Variants in C8orf34 observed in about 807,000 individuals in gnomAD.
C8orf34 encodes chromosome 8 open reading frame 34, also known as uncharacterized protein C8orf34.
In C8orf34, 65 loss-of-function variants were observed where a neutral mutation model predicts 68.3. The observed-to-expected ratio is 0.95, with a 90% CI of 0.78 to 1.17. C8orf34 has a LOEUF of 1.17. Among genes scored for constraint, C8orf34 ranks in the 50% most tolerant of loss-of-function variants. C8orf34 has a pLI of 0.00. For synonymous variants in C8orf34, 244 were observed against 241.2 expected, an observed-to-expected ratio of 1.01 and a Z score of -0.11; for missense variants, 664 against 655.4, an observed-to-expected ratio of 1.01 and a Z score of -0.14.
At chr8:68,614,382 G>A (rs2130583935) in intron 7 of C8orf34, among the ~76,000 whole-genome samples, 1 of 152,238 alleles carries the variant, frequency 6.6e-6, no homozygotes, top group South Asian at 2.1e-4. Context: ...TGTCCTGAAT[G>A]GTAATGCCTA....
chr8:68,622,318 C>A (rs1016045973), intron 7 of C8orf34, among the ~76,000 whole-genome samples: 1 of 152,176 alleles, frequency 6.6e-6, no homozygotes, highest in Non-Finnish European at 1.5e-5. Flanking sequence ...TCACTACATC[C>A]AGATGACTTT....
chr8:68,465,919 T>A (rs980127930), intron 3 of C8orf34, among the ~76,000 whole-genome samples: 2 of 151,538 alleles, frequency 1.3e-5, no homozygotes, highest in Non-Finnish European at 2.9e-5. Context: ...ACCTGCACAT[T>A]GTGCACATGT....
At chr8:68,472,426 A>G (rs1198078145) in intron 4 of C8orf34, among the ~76,000 whole-genome samples, 1 of 152,152 alleles carries the variant, frequency 6.6e-6, no homozygotes, top group Non-Finnish European at 1.5e-5. Flanking sequence ...GGTCAGAGCC[A>G]TATAGAGTAA....
intron 1 of C8orf34, among the ~76,000 whole-genome samples, chr8:68,348,102 A>G (rs1182733964): frequency 1.3e-5 from 2 of 151,934 alleles, no homozygotes; most frequent in Admixed American, 6.6e-5. Flanking sequence ...TGGGTTTTAC[A>G]TTTACATCTT....
chr8:68,809,852 T>G (rs1034382793), intron 12 of C8orf34, among the ~76,000 whole-genome samples: 17 of 152,148 alleles, frequency 1.1e-4, no homozygotes, highest in Admixed American at 2.6e-4. Context: ...ATATGGTGGC[T>G]GAAGAAACTA....
intron 10 of C8orf34, among the ~76,000 whole-genome samples, chr8:68,769,095 G>A (rs1330066655): frequency 6.6e-6 from 1 of 151,734 alleles, no homozygotes. Context: ...ATTCATTATT[G>A]TCAGGCATGC....
At chr8:68,699,448 G>T (rs918617952) in intron 8 of C8orf34, among the ~76,000 whole-genome samples, 2 of 152,158 alleles carry the variant, frequency 1.3e-5, no homozygotes, top group African/African-American at 2.4e-5. Flanking sequence ...CTGGCCATAT[G>T]AACATAATCC....
intron 8 of C8orf34, among the ~76,000 whole-genome samples, chr8:68,677,302 A>G (rs1456809507): frequency 6.6e-6 from 1 of 152,218 alleles, no homozygotes; most frequent in Non-Finnish European, 1.5e-5. Flanking sequence ...GTTTATAGCT[A>G]TAAGCACCTA....
chr8:68,602,298 A>T (rs1040188569), intron 7 of C8orf34, among the ~76,000 whole-genome samples: 1 of 152,130 alleles, frequency 6.6e-6, no homozygotes, highest in Non-Finnish European at 1.5e-5. Flanking sequence ...GGAGTGTATT[A>T]GTCTATTCTC....
chr8:68,533,285 C>T (rs1419953715), intron 7 of C8orf34, 136 bp downstream of exon 7: 3 of 1,393,264 alleles, frequency 2.2e-6, no homozygotes, highest in African/African-American at 1.5e-5. Context: ...ATTTTATTTA[C>T]ATTAGACTCA....
At chr8:68,343,424 ATTTAT>A (rs1806153602) in intron 1 of C8orf34, among the ~76,000 whole-genome samples, 1 of 151,612 alleles carries the variant, frequency 6.6e-6, no homozygotes, top group Non-Finnish European at 1.5e-5. Flanking sequence ...TTATTTTTAC[ATTTAT>A]TTATTTATTT....
chr8:68,474,219 A>C (rs1347728387), intron 4 of C8orf34, among the ~76,000 whole-genome samples: 1 of 152,154 alleles, frequency 6.6e-6, no homozygotes, highest in African/African-American at 2.4e-5. Flanking sequence ...ATGCCATGTT[A>C]AACTCAATGT....
chr8:68,612,140 CATT>C (rs1352290635), intron 7 of C8orf34, among the ~76,000 whole-genome samples: 1 of 151,690 alleles, frequency 6.6e-6, no homozygotes, highest in African/African-American at 2.4e-5. Context: ...CATCTCGTAT[CATT>C]ATCTGCAACT....
intron 4 of C8orf34, among the ~76,000 whole-genome samples, chr8:68,474,531 A>T (rs1812518483): frequency 1.3e-5 from 2 of 152,286 alleles, no homozygotes; most frequent in South Asian, 2.1e-4. Flanking sequence ...TGTTAGAAAA[A>T]AAAAGAGGAC....
At chr8:68,658,108 A>G (rs1819561671) in intron 8 of C8orf34, among the ~76,000 whole-genome samples, 2 of 152,188 alleles carry the variant, frequency 1.3e-5, no homozygotes, top group South Asian at 4.1e-4. Context: ...CAACAATATC[A>G]AATCACTTTT....
At chr8:68,681,291 G>A (rs1366094273) in intron 8 of C8orf34, among the ~76,000 whole-genome samples, 1 of 152,054 alleles carries the variant, frequency 6.6e-6, no homozygotes, top group Non-Finnish European at 1.5e-5. Flanking sequence ...AAGTAAAACA[G>A]GCATAAGAAA....
chr8:68,615,239 G>C (rs1358037743), intron 7 of C8orf34, among the ~76,000 whole-genome samples: 1 of 150,666 alleles, frequency 6.6e-6, no homozygotes, highest in Non-Finnish European at 1.5e-5. Flanking sequence ...CTGCAAACAG[G>C]GACAATTTGA....
intron 7 of C8orf34, among the ~76,000 whole-genome samples, chr8:68,542,554 A>G (rs1220604214): frequency 6.6e-6 from 1 of 152,132 alleles, no homozygotes; most frequent in Non-Finnish European, 1.5e-5. Flanking sequence ...TATAGAAAGT[A>G]GTTTAAGATA....
intron 7 of C8orf34, among the ~76,000 whole-genome samples, chr8:68,565,945 T>C (rs1172543403): frequency 6.6e-6 from 1 of 152,132 alleles, no homozygotes; most frequent in Non-Finnish European, 1.5e-5. Context: ...AAGATACAAA[T>C]TATACAAAAA....
Sources: gnomAD v4.1 joint callset for allele counts (sites outside exome capture counted in the v4.1 genomes callset) on GRCh38, gnomAD v4.1.1 for gene constraint, MANE v1.5 for transcripts, NCBI Gene and HGNC (gene_info 2026-07-23, HGNC 2026-07-21) for gene names.